Variants in RAP1GAP2 observed in about 807,000 individuals in gnomAD.
RAP1GAP2 encodes the protein rap1 GTPase-activating protein 2.
A neutral mutation model predicts 95.0 loss-of-function variants in RAP1GAP2; 27 were observed. That is an observed-to-expected ratio of 0.28 (90% confidence interval 0.21 to 0.39). The LOEUF is 0.39. RAP1GAP2 is among the 10% of genes least tolerant of loss of function. RAP1GAP2 has a pLI of 1.00. For missense variants in RAP1GAP2, 771 were observed against 970.0 expected, an observed-to-expected ratio of 0.79 and a Z score of 2.72; for synonymous variants, 373 against 380.9, an observed-to-expected ratio of 0.98 and a Z score of 0.24.
At position 2,932,842 on chromosome 17, in the gene RAP1GAP2, A is replaced by AAAAAAAAAAGG. The variant is rs140254643; in HGVS notation, c.166-24916_166-24915insAAAAAAAAGGA. On this transcript the variant is annotated intron_variant, in intron 3 of 24. Transcript: ENST00000254695. ...AAAAAAAGAAAAAAAAAAAAAAAAAAAGAGCAGGGACCACGGGCAGGGTAT... is the reference window on the plus strand; with the variant it reads ...AAAAAAAGAAAAAAAAAAAAAAAAAAAAAAAAAAAGGAGAGCAGGGACCACGGGCAGGGTAT... Among the ~76,000 whole-genome samples the AAAAAAAAAAGG allele has an allele frequency of 9.6e-5, 9 of 94,158 alleles. 4 individuals are homozygous for AAAAAAAAAAGG. Among genetic ancestry groups the AAAAAAAAAAGG allele is most frequent in the Admixed American group, 2.9e-4 (2 of 6,784 alleles). 61.8% of individuals were successfully genotyped at this position (94,158 alleles called of 152,430 possible). A position where few individuals can be genotyped will look rare whatever the true frequency, so the allele number is the denominator to read the frequency against.
intron 14 of RAP1GAP2, among the ~76,000 whole-genome samples, chr17:3,001,430 ACAGAAGAAGCAGGGAG>A (rs2046153203): frequency 1.3e-4 from 15 of 116,486 alleles, no homozygotes; most frequent in African/African-American, 4.0e-4. Context: ...CGGAGAAGGG[ACAGAAGAAGCAGGGAG>A]TGCAGGTCCA....
chr17:2,869,625 C>T (rs1219572389), intron 2 of RAP1GAP2, among the ~76,000 whole-genome samples: 1 of 152,172 alleles, frequency 6.6e-6, no homozygotes, highest in Non-Finnish European at 1.5e-5. Flanking sequence ...CCTTCCCCAA[C>T]AGCCCACGTT....
At chr17:2,919,763 C>T (rs150351254) in intron 3 of RAP1GAP2, among the ~76,000 whole-genome samples, 3,338 of 152,038 alleles carry the variant, frequency 0.022, 121 homozygotes, top group African/African-American at 0.076. Context: ...AGTGCAGTAG[C>T]GCGATCTCGG....
chr17:2,822,627 G>GTTTTTTTTTTTTT (rs66503004), intron 2 of RAP1GAP2, among the ~76,000 whole-genome samples: 1 of 127,850 alleles, frequency 7.8e-6, no homozygotes, highest in African/African-American at 2.7e-5. Flanking sequence ...GTTTTTTTTT[G>GTTTTTTTTTTTTT]TTTTTTTTTT....
chr17:2,953,569 G>A (rs952043568), intron 3 of RAP1GAP2, among the ~76,000 whole-genome samples: 1 of 151,986 alleles, frequency 6.6e-6, no homozygotes, highest in Non-Finnish European at 1.5e-5. Flanking sequence ...CAATTTGGCC[G>A]GGTACGATGG....
intron 3 of RAP1GAP2, among the ~76,000 whole-genome samples, chr17:2,922,924 G>A (rs978054095): frequency 2.7e-5 from 4 of 147,860 alleles, no homozygotes; most frequent in Non-Finnish European, 1.5e-5. Flanking sequence ...CTTGTGGCAC[G>A]ACCTTGGCTC....
chr17:2,934,261 A>T (rs944278964), intron 3 of RAP1GAP2, among the ~76,000 whole-genome samples: 9 of 152,142 alleles, frequency 5.9e-5, no homozygotes, highest in African/African-American at 1.7e-4. Context: ...CCTCCTGAGT[A>T]GCTGGGACTA....
At chr17:2,807,953 C>T (rs535724533) in intron 2 of RAP1GAP2, among the ~76,000 whole-genome samples, 4 of 152,286 alleles carry the variant, frequency 2.6e-5, no homozygotes, top group East Asian at 1.9e-4. Flanking sequence ...CGCTGGCCTG[C>T]GCCCTGGGGT....
chr17:2,860,594 C>CTTTTTTTTTTTTTTTT (rs561492877), intron 2 of RAP1GAP2, among the ~76,000 whole-genome samples: 1 of 96,066 alleles, frequency 1.0e-5, no homozygotes, highest in Non-Finnish European at 2.0e-5. Context: ...ACTTATTTAT[C>CTTTTTTTTTTTTTTTT]TTTTTTTTTT....
chr17:2,887,377 C>CTTTT lies in RAP1GAP2; in HGVS notation c.81-17896_81-17893dup, dbSNP rs75268492. ...CTGGCTGATGATGAAGAATACTTAC[C>CTTTT]TTTTTTTTTTTTTTAAGATGGAGTT... On this transcript the variant is annotated intron_variant, in intron 2 of 24. Coordinates refer to ENST00000254695, the MANE Select transcript of RAP1GAP2 (RefSeq NM_015085.5). Among the ~76,000 whole-genome samples, 37 of 142,310 alleles carry CTTTT rather than the reference C, an allele frequency of 2.6e-4. No homozygotes were observed. In the South Asian group the frequency reaches 8.0e-3, roughly 31 times the overall value. The allele number at this position is 142,310 out of a possible 152,430, so 93.4% of individuals were successfully genotyped here.
intron 2 of RAP1GAP2, among the ~76,000 whole-genome samples, chr17:2,809,931 G>A (rs530683332): frequency 2.0e-5 from 3 of 152,036 alleles, no homozygotes; most frequent in East Asian, 1.9e-4. Context: ...CCTTCCTCCC[G>A]CTGGCTCCTC....
chr17:2,793,633 G>A (rs900212914), upstream of RAP1GAP2, among the ~76,000 whole-genome samples: 38 of 152,254 alleles, frequency 2.5e-4, no homozygotes, highest in Admixed American at 6.5e-5. Flanking sequence ...ACTTTCACTT[G>A]TTCACTTGTC....
rs577443326 is a variant in RAP1GAP2, at chr17:2,994,738, G to A, written c.915-599G>A. Among the ~76,000 whole-genome samples, 15 of 152,332 alleles carry A rather than the reference G, an allele frequency of 9.8e-5. No homozygotes were observed. In the East Asian group the frequency reaches 2.1e-3, roughly 22 times the overall value. On this transcript the variant is annotated intron_variant, in intron 12 of 24. Coordinates refer to ENST00000254695, the MANE Select transcript of RAP1GAP2 (RefSeq NM_015085.5). ...TTTGTCTGGGATTGTGGATGGATGC[G>A]CTTCCTTCCCATATAACCAGCAAGT... is the stretch of plus-strand genomic sequence containing the variant.
intron 1 of RAP1GAP2, among the ~76,000 whole-genome samples, chr17:2,782,585 T>C (rs1260579920): frequency 2.6e-5 from 4 of 152,154 alleles, no homozygotes; most frequent in African/African-American, 9.7e-5. Flanking sequence ...TAGCATAATT[T>C]ATCTCACCAT....
chr17:2,861,477 CTTT>C (rs560177617), intron 2 of RAP1GAP2, among the ~76,000 whole-genome samples: 5 of 132,494 alleles, frequency 3.8e-5, no homozygotes, highest in Non-Finnish European at 1.6e-5. Context: ...TCTCTGGGGT[CTTT>C]TTTTTTTTTT....
chr17:2,851,085 A>ACC (rs2071828537), intron 2 of RAP1GAP2, among the ~76,000 whole-genome samples: 1 of 152,012 alleles, frequency 6.6e-6, no homozygotes, highest in African/African-American at 2.4e-5. Flanking sequence ...AAAGTGAAAA[A>ACC]GTAAGTTGAT....
chr17:2,822,479 G>A (rs1248935149), intron 2 of RAP1GAP2, among the ~76,000 whole-genome samples: 1 of 152,024 alleles, frequency 6.6e-6, no homozygotes, highest in South Asian at 2.1e-4. Flanking sequence ...AAAACAATTA[G>A]CCAGGTGTTG....
At chr17:2,785,978 C>T (rs531372535) in intron 1 of RAP1GAP2, among the ~76,000 whole-genome samples, 255 of 150,582 alleles carry the variant, frequency 1.7e-3, no homozygotes, top group African/African-American at 6.0e-3. Flanking sequence ...CTCGGCTCAC[C>T]GCAACCTCCA....
intron 2 of RAP1GAP2, among the ~76,000 whole-genome samples, chr17:2,886,854 C>T (rs921649836): frequency 6.6e-5 from 10 of 152,154 alleles, no homozygotes; most frequent in African/African-American, 1.4e-4. Context: ...ATTGCCCCTC[C>T]GGGTCCCTCA....
Sources: gnomAD v4.1 joint callset for allele counts (sites outside exome capture counted in the v4.1 genomes callset) on GRCh38, gnomAD v4.1.1 for gene constraint, MANE v1.5 for transcripts, NCBI Gene and HGNC (gene_info 2026-07-23, HGNC 2026-07-21) for gene names.